NES: variants seen among roughly 807,000 people sequenced by gnomAD.
The protein encoded by NES is nestin.
A neutral mutation model predicts 35.6 loss-of-function variants in NES; 27 were observed. That is an observed-to-expected ratio of 0.76 (90% CI 0.56 to 1.04). The LOEUF (loss-of-function observed/expected upper bound fraction) is 1.04, where lower values mean the gene tolerates loss of function less well. Ranked by LOEUF, NES falls within the 50% of genes least tolerant of loss-of-function variation. The probability of loss-of-function intolerance (pLI) is 0.00; values close to 1 mark genes in which losing one functional copy is unlikely to be tolerated. For missense variants in NES, 1,867 were observed against 1,983.6 expected (o/e 0.94, Z 1.12); for synonymous variants, 822 against 824.2 (o/e 1.00, Z 0.04).
In NES at chr1:156,670,857, G is replaced by A. The variant is rs1450973082; in HGVS notation, c.3331C>T (p.Pro1111Ser). 4 of 1,612,004 alleles carry A rather than the reference G, an allele frequency of 2.5e-6. No individual in the cohort carries two copies. The African/African-American group carries it at 5.3e-5, about 22-fold the overall frequency. ...PGQGVGGLGDPGHLTREEVME... is the reference protein window; with the variant it reads ...PGQGVGGLGDSGHLTREEVME... ...ACCTCTTCCCTGGTCAGATGGCCTG[G>A]GTCCCCCAGCCCTCCCACCCCCTGC... The change falls in exon 4 of 4, where the codon CCA becomes TCA. Residue 1111 changes from proline (P) to serine (S), a missense_variant. Coordinates refer to ENST00000368223, the MANE Select transcript of NES (RefSeq NM_006617.2).
At position 156,669,477 on chromosome 1, in the gene NES, A is replaced by C. The variant is rs780160864; in HGVS notation, c.4711T>G (p.Ser1571Ala). The C allele has an allele frequency of 1.5e-5, 25 of 1,613,046 alleles. No individual in the cohort carries two copies. The highest frequency in any genetic ancestry group is 2.1e-5 in the Non-Finnish European group (25 of 1,179,538). ...EEVGQGMPLVSEGDRGSPFQE... is the reference protein window; with the variant it reads ...EEVGQGMPLVAEGDRGSPFQE... Reference sequence around the variant, plus strand: ...AAGGGGCTCCCTCGGTCTCCCTCAGAGACTAGCGGCATTCCTTGCCCCACT... The same window carrying C: ...AAGGGGCTCCCTCGGTCTCCCTCAGCGACTAGCGGCATTCCTTGCCCCACT... Residue 1571 changes from serine (S) to alanine (A), a missense_variant, in exon 4 of 4, where the codon TCT becomes GCT. Ser to Ala is a moderately conservative substitution (Grantham distance 99). Transcript: ENST00000368223.
At position 156,670,507 on chromosome 1, in the gene NES, C is replaced by T. The variant is rs779739093; in HGVS notation, c.3681G>A (p.Pro1227=). 3.1e-5 allele frequency: 49 copies of T among 1,594,998 alleles called. No homozygotes were observed. Among genetic ancestry groups the T allele is most frequent in the Admixed American group, 8.5e-5 (5 of 58,864 alleles). The change falls in exon 4 of 4, where the codon CCG becomes CCA. Residue 1227 remains proline (P), a synonymous_variant. Transcript: ENST00000368223. ...VLVSPSPTYT[P]ILEDAPGPQP... ...GAGGCCCAGGGGCATCTTCCAGGAT[C>T]GGGGTGTACGTTGGGCTGGGGGAGA...
Position 156,670,321 on chromosome 1 carries a change from ATCC to A in NES, c.3864_3866del (p.Glu1288del), listed in dbSNP as rs1196046992. 6.2e-7 allele frequency: 1 copy of A among 1,612,112 alleles called. No homozygotes were observed. Among genetic ancestry groups the A allele is most frequent in the Non-Finnish European group, 8.5e-7 (1 of 1,178,962 alleles). The stretch of plus-strand genomic sequence containing the variant: ...AGTCTGGAAGGGTCTCCCCGAGCTC[ATCC>A]TCCTCGCTCTCTTCTCTGCTCTCCT... On this transcript the variant is annotated inframe_deletion, in exon 4 of 4. Coordinates refer to ENST00000368223, the MANE Select transcript of NES (RefSeq NM_006617.2).
At position 156,673,005 on chromosome 1, in the gene NES, G is replaced by A. The variant is rs766165902; in HGVS notation, c.1183C>T (p.Gln395Ter). Reference sequence around the variant, plus strand: ...GCATCTACAGCAGGAGAGGGTGCCTGAGGTGTGGGGGGGATGGGGGTGCTG... The same window carrying A: ...GCATCTACAGCAGGAGAGGGTGCCTAAGGTGTGGGGGGGATGGGGGTGCTG... ...LASTPIPPTP[Q>*]APSPAVDAEI... Residue 395 changes from glutamine (Q) to a stop codon, truncating the protein, a stop_gained, in exon 4 of 4, where the codon CAG (glutamine) becomes TAG (stop). Transcript: ENST00000368223. LOFTEE classifies it low-confidence loss of function (END_TRUNC). 4 of 1,612,780 alleles carry A rather than the reference G, an allele frequency of 2.5e-6. No individual in the cohort carries two copies. Among genetic ancestry groups the A allele is most frequent in the Non-Finnish European group, 3.4e-6 (4 of 1,178,944 alleles).
intron 2 of NES, 43 bp downstream of exon 2, chr1:156,675,173 T>G (rs1558000087): frequency 6.2e-7 from 1 of 1,600,480 alleles, no homozygotes; most frequent in South Asian, 1.1e-5. Flanking sequence ...CCAGCATGTG[T>G]GTGTGCCTCT....
intron 2 of NES, among the ~76,000 whole-genome samples, 168 bp from the exon 3 acceptor site, chr1:156,673,695 C>CACAT (rs1679783540): frequency 6.6e-6 from 1 of 152,314 alleles, no homozygotes; most frequent in East Asian, 1.9e-4. Context: ...ATCACACAGT[C>CACAT]ACATACCCAC....
In NES at chr1:156,670,374, G is replaced by A. The variant is rs756961129; in HGVS notation, c.3814C>T (p.Pro1272Ser). ...EQEELGSGEIPEGPQEEGEES... is the reference protein window; with the variant it reads ...EQEELGSGEISEGPQEEGEES... Reference sequence around the variant, plus strand: ...TCCCCTTCCTCCTGGGGGCCCTCGGGGATCTCCCCAGAACCCAACTCCTCC... The same window carrying A: ...TCCCCTTCCTCCTGGGGGCCCTCGGAGATCTCCCCAGAACCCAACTCCTCC... Residue 1272 changes from proline to serine, a missense_variant, in exon 4 of 4, where the codon CCC (proline) becomes TCC (serine). Coordinates refer to ENST00000368223, the MANE Select transcript of NES (RefSeq NM_006617.2). The A allele has an allele frequency of 1.0e-5, 16 of 1,605,126 alleles. No individual in the cohort carries two copies. The highest frequency in any genetic ancestry group is 1.2e-5 in the Non-Finnish European group (14 of 1,175,568).
chr1:156,673,536 G>T lies in NES; in HGVS notation c.909-9C>A. On this transcript the variant is annotated splice_polypyrimidine_tract_variant and intron_variant, in intron 2 of 3. Transcript: ENST00000368223. ...CAGCCTCCAGGAGGGTCCTGGAGAG[G>T]ACAGAGGGAAAGTGGGGTCAGCCCT... 6.2e-7 allele frequency: 1 copy of T among 1,601,368 alleles called. No individual in the cohort carries two copies.
Position 156,670,956 on chromosome 1 carries a change from C to A in NES, c.3232G>T (p.Ala1078Ser). The A allele has an allele frequency of 6.6e-7, 1 of 1,515,376 alleles. No homozygotes were observed. Among genetic ancestry groups the A allele is most frequent in the Non-Finnish European group, 8.9e-7 (1 of 1,120,370 alleles). 93.9% of individuals were successfully genotyped at this position (1,515,376 alleles called of 1,614,324 possible). The part of the protein sequence containing the change: ...EDDVAPGGDQ[A>S]SPEVMLGSEP... ...GACCCCAACATGACCTCTGGGGAGGCTTGGTCACCCCCTGGGGCCACATCA... is the reference window on the plus strand; with the variant it reads ...GACCCCAACATGACCTCTGGGGAGGATTGGTCACCCCCTGGGGCCACATCA... Residue 1078 changes from alanine (A) to serine (S), a missense_variant, in exon 4 of 4, where the codon GCC becomes TCC. Coordinates refer to ENST00000368223, the MANE Select transcript of NES (RefSeq NM_006617.2).
rs529305379 is a variant in NES at position 156,671,409 on chromosome 1, C to T, written c.2779G>A (p.Glu927Lys). ...AGAGACCTCAGTGACTCTTGGTACT[C>T]TCCCTTTCCCAGGTTCTCTTCCTCT... ...LEEEENLGKG[E>K]YQESLRSLEE... Residue 927 changes from glutamate (E) to lysine (K), a missense_variant, in exon 4 of 4, where the codon GAG (glutamate) becomes AAG (lysine). Coordinates refer to ENST00000368223, the MANE Select transcript of NES (RefSeq NM_006617.2). The T allele has an allele frequency of 2.5e-6, 4 of 1,614,084 alleles. No individual in the cohort carries two copies. The African/African-American group carries it at 5.3e-5, about 22-fold the overall frequency.
chr1:156,673,498 A>C lies in NES; in HGVS notation c.938T>G (p.Leu313Arg). 6.2e-7 allele frequency: 1 copy of C among 1,613,006 alleles called. No individual in the cohort carries two copies. Among genetic ancestry groups the C allele is most frequent in the Non-Finnish European group, 8.5e-7 (1 of 1,179,286 alleles). The part of the protein sequence containing the change: ...RTLLEAENSR[L>R]QTPGGGSKTS... ...CTTGGAGCCACCGCCAGGTGTTTGC[A>C]GCCGGGAGTTCTCAGCCTCCAGGAG... is the stretch of plus-strand genomic sequence containing the variant. Residue 313 changes from leucine (L) to arginine (R), a missense_variant, in exon 3 of 4, where the codon CTG becomes CGG. By Grantham distance (102) the Leu-to-Arg change is moderately radical. Coordinates refer to ENST00000368223, the MANE Select transcript of NES (RefSeq NM_006617.2).
At position 156,676,525 on chromosome 1, in the gene NES, T is replaced by G. The variant is rs756107471; in HGVS notation, c.740A>C (p.Glu247Ala). 48 of 1,596,726 alleles carry G rather than the reference T, an allele frequency of 3.0e-5. No homozygotes were observed. In the South Asian group the frequency reaches 5.2e-4, roughly 17 times the overall value. ...CCGCAGCCGCTCCTGCCAGCGGCCC[T>G]CCAACCTCTGTTCCAACGCTGCCCT... is the stretch of plus-strand genomic sequence containing the variant. ...ERRAALEQRL[E>A]GRWQERLRAT... Residue 247 changes from glutamate to alanine, a missense_variant, in exon 1 of 4, where the codon GAG (glutamate) becomes GCG (alanine). By Grantham distance (107) the Glu-to-Ala change is moderately radical. Transcript: ENST00000368223. The surrounding 1 kb of genome is among the most constrained non-coding windows in gnomAD (Gnocchi z 5.3).
In NES at chr1:156,670,649, G is replaced by A. The variant is rs1272213302; in HGVS notation, c.3539C>T (p.Pro1180Leu). The change falls in exon 4 of 4, where the codon CCC becomes CTC. Residue 1180 changes from proline to leucine, a missense_variant. Pro to Leu is a moderately conservative substitution (Grantham distance 98, BLOSUM62 -3). Coordinates refer to ENST00000368223, the MANE Select transcript of NES (RefSeq NM_006617.2). Reference sequence around the variant, plus strand: ...AGGGAACGCCTCCTCTGCTCCCCTGGGGGCCTCAGCCTCTGACTCCTCCCT... The same window carrying A: ...AGGGAACGCCTCCTCTGCTCCCCTGAGGGCCTCAGCCTCTGACTCCTCCCT... ...EGREESEAEA[P>L]RGAEEAFPAE... 1 of 1,613,906 alleles carries A rather than the reference G, an allele frequency of 6.2e-7. No individual in the cohort carries two copies. The highest frequency in any genetic ancestry group is 8.5e-7 in the Non-Finnish European group (1 of 1,179,944).
chr1:156,676,648 T>C lies in NES; in HGVS notation c.617A>G (p.Gln206Arg). 6.5e-7 allele frequency: 1 copy of C among 1,527,880 alleles called. No homozygotes were observed. 94.6% of individuals were successfully genotyped at this position (1,527,880 alleles called of 1,614,324 possible). ...CGCCCGGCCCAGCCGCTCGCGGGCC[T>C]GGCCCAGCGACGTCTCCATGTGTGC... is the stretch of plus-strand genomic sequence containing the variant. ...RVAHMETSLG[Q>R]ARERLGRAVQ... The change falls in exon 1 of 4, where the codon CAG becomes CGG. Residue 206 changes from glutamine (Q) to arginine (R), a missense_variant. Gln to Arg is a conservative substitution (Grantham distance 43). Transcript: ENST00000368223. The surrounding 1 kb of genome is among the most constrained non-coding windows in gnomAD (Gnocchi z 5.3).
Position 156,672,348 on chromosome 1 carries a change from G to C in NES, c.1840C>G (p.Leu614Val), listed in dbSNP as rs912928356. The C allele has an allele frequency of 1.9e-6, 3 of 1,612,754 alleles. No individual in the cohort carries two copies. The highest frequency in any genetic ancestry group is 2.5e-6 in the Non-Finnish European group (3 of 1,179,760). The change falls in exon 4 of 4, where the codon CTT (leucine) becomes GTT (valine). Residue 614 changes from leucine to valine, a missense_variant. Physicochemically the swap from Leu to Val is conservative, Grantham distance 32. Transcript: ENST00000368223. The part of the protein sequence containing the change: ...RPLEKEAVGQ[L>V]KPTGKEDTQT... Reference sequence around the variant, plus strand: ...GTGTCCTCTTTTCCTGTAGGCTTAAGTTGGCCTACAGCCTCTTTTTCTAGA... The same window carrying C: ...GTGTCCTCTTTTCCTGTAGGCTTAACTTGGCCTACAGCCTCTTTTTCTAGA...
rs1433768161 is a variant in NES at position 156,672,697 on chromosome 1, A to C, written c.1491T>G (p.Gly497=). 5.6e-6 allele frequency: 9 copies of C among 1,613,656 alleles called. No individual in the cohort carries two copies. The highest frequency in any genetic ancestry group is 1.1e-5 in the South Asian group (1 of 91,082). ...CTACCAACCCCCAGATTTGCCCTTC[A>C]CCTTCCCCTCGGCATATGCTGAACA... ...SRVFSICRGE[G]EGQIWGLVEK... The change falls in exon 4 of 4, where the codon GGT becomes GGG. Residue 497 remains glycine (G), a synonymous_variant. Transcript: ENST00000368223.
chr1:156,674,599 T>C (rs932760714), intron 2 of NES, among the ~76,000 whole-genome samples: 1 of 152,194 alleles, frequency 6.6e-6, no homozygotes, highest in African/African-American at 2.4e-5. Context: ...CAAGGCCACA[T>C]AGCAAGTGAG....
rs144909166 is a variant in NES at position 156,675,034 on chromosome 1, T to C, written c.908+182A>G. On this transcript the variant is annotated intron_variant, in intron 2 of 3. Transcript: ENST00000368223. ...GGACATTGCTCAGGTCTCCAGCCTATGGGGGAGCAGACGGTTTCAGGCAGG... is the reference window on the plus strand; with the variant it reads ...GGACATTGCTCAGGTCTCCAGCCTACGGGGGAGCAGACGGTTTCAGGCAGG... 4.1e-3 allele frequency among the ~76,000 whole-genome samples: 626 copies of C among 152,274 alleles called. 2 individuals carry two copies. Among genetic ancestry groups the C allele is most frequent in the Middle Eastern group, 6.8e-3 (2 of 294 alleles).
rs767838667 is a variant in NES, at chr1:156,672,283, T to C, written c.1905A>G (p.Leu635=). The part of the protein sequence containing the change: ...LQSLQKENQE[L]MKSLEGNLET... Reference sequence around the variant, plus strand: ...CTAGATTACCTTCAAGAGATTTCATTAGTTCTTGATTCTCCTTTTGCAGGG... The same window carrying C: ...CTAGATTACCTTCAAGAGATTTCATCAGTTCTTGATTCTCCTTTTGCAGGG... Residue 635 remains leucine, a synonymous_variant, in exon 4 of 4, where the codon CTA becomes CTG. Coordinates refer to ENST00000368223, the MANE Select transcript of NES (RefSeq NM_006617.2). 3.7e-6 allele frequency: 6 copies of C among 1,601,464 alleles called. No homozygotes were observed. The African/African-American group carries it at 6.8e-5, about 18-fold the overall frequency.
Sources: gnomAD v4.1 joint callset for allele counts (sites outside exome capture counted in the v4.1 genomes callset) on GRCh38, gnomAD v4.1.1 for gene constraint, Gnocchi (gnomAD v3.1) non-coding constraint, MANE v1.5 for transcripts, NCBI Gene and HGNC (gene_info 2026-07-23, HGNC 2026-07-21) for gene names.